Variants in TASOR2 observed in about 807,000 individuals in gnomAD.
TASOR2 encodes the protein protein TASOR 2.
A neutral mutation model predicts 199.5 loss-of-function variants in TASOR2; 84 were observed. The ratio of observed to expected loss-of-function variants is 0.42; its 90% CI spans 0.35 to 0.50. TASOR2 has a LOEUF of 0.50. Ranked by LOEUF, TASOR2 falls within the 20% of genes least tolerant of loss-of-function variation. The probability of loss-of-function intolerance (pLI) is 0.02; values close to 1 mark genes in which losing one functional copy is unlikely to be tolerated. For synonymous variants in TASOR2, 1,103 were observed against 1,046.6 expected, an observed-to-expected ratio of 1.05 and a Z score of -1.04; for missense variants, 2,796 against 2,835.9, an observed-to-expected ratio of 0.99 and a Z score of 0.32.
chr10:5,696,439 G>A (rs554269267), intron 1 of TASOR2, among the ~76,000 whole-genome samples: 48 of 152,118 alleles, frequency 3.2e-4, no homozygotes, highest in South Asian at 6.2e-4. Context: ...TCACTATAGC[G>A]TTGAACTCCT....
chr10:5,725,855 T>C (rs1588742858), intron 8 of TASOR2, among the ~76,000 whole-genome samples: 1 of 152,194 alleles, frequency 6.6e-6, no homozygotes, highest in Non-Finnish European at 1.5e-5. Flanking sequence ...GACAAATATG[T>C]AAGTCATCAT....
chr10:5,714,304 C>G lies in TASOR2; in HGVS notation c.-192+1386C>G, dbSNP rs1339071199. 4 of 670,546 alleles carry G rather than the reference C, an allele frequency of 6.0e-6. No individual in the cohort carries two copies. The African/African-American group carries it at 7.5e-5, about 13-fold the overall frequency. The allele number at this position is 670,546 out of a possible 1,614,324, so 41.5% of individuals were successfully genotyped here. ...TTTATAAGATATGTATATTAAAAGC[C>G]AGTTTCATTAAATGTCAAACAGTTC... On this transcript the variant is annotated intron_variant, in intron 2 of 20. Coordinates refer to ENST00000328090, the Ensembl canonical transcript of TASOR2.
Position 5,740,177 on chromosome 10 carries a change from GGA to G in TASOR2, c.2016_2017del (p.Glu672AspfsTer15). 1 of 1,614,176 alleles carries G rather than the reference GGA, an allele frequency of 6.2e-7. No homozygotes were observed. The highest frequency in any genetic ancestry group is 8.5e-7 in the Non-Finnish European group (1 of 1,180,046). ...CAGAACATTCAAAGAAACATCTACA[GGA>G]GAGAGAGATACTAAGCCCTCTGTTT... On this transcript the variant is annotated frameshift_variant, in exon 13 of 21. Transcript: ENST00000328090. LOFTEE classifies it high-confidence loss of function. The surrounding 1 kb of genome is among the most constrained non-coding windows in gnomAD (Gnocchi z 5.3).
At chr10:5,711,735 G>A (rs1226922292) in intron 1 of TASOR2, among the ~76,000 whole-genome samples, 1 of 152,022 alleles carries the variant, frequency 6.6e-6, no homozygotes, top group Non-Finnish European at 1.5e-5. Flanking sequence ...ATCTCACATG[G>A]GTATGGTTTG....
At chr10:5,758,085 G>T (rs1391306837) in intron 17 of TASOR2, among the ~76,000 whole-genome samples, 1 of 152,024 alleles carries the variant, frequency 6.6e-6, no homozygotes, top group Admixed American at 6.5e-5. Context: ...CTAAAAAATG[G>T]CTACTAAGTC....
exon 20 of TASOR2, chr10:5,762,560 T>A (rs1564380667): frequency 7.5e-7 from 1 of 1,334,118 alleles, no homozygotes; most frequent in Non-Finnish European, 1.0e-6. Context: ...GAGAAGTCTT[T>A]GAAAATAGTG....
chr10:5,756,681 G>A (rs377533232), exon 16 of TASOR2: 10 of 1,613,432 alleles, frequency 6.2e-6, no homozygotes, highest in Non-Finnish European at 7.6e-6. Flanking sequence ...TCCACAGAGA[G>A]AATGATACAC....
chr10:5,723,348 G>T (rs1833635132), intron 6 of TASOR2, among the ~76,000 whole-genome samples: 1 of 151,974 alleles, frequency 6.6e-6, no homozygotes, highest in African/African-American at 2.4e-5. Context: ...GAGCCACCGT[G>T]CCTGGCAAAT....
intron 6 of TASOR2, 31 bp downstream of exon 7, chr10:5,721,001 T>C: frequency 6.5e-7 from 1 of 1,539,082 alleles, no homozygotes; most frequent in Non-Finnish European, 8.9e-7. Flanking sequence ...CCTTTACTAA[T>C]GCTTATATTA....
rs1840143129 is a variant in TASOR2 at position 5,763,118 on chromosome 10, CAT to C, written c.*87_*88del. The C allele has an allele frequency of 4.8e-6, 6 of 1,261,932 alleles. No homozygotes were observed. In the South Asian group the frequency reaches 7.8e-5, roughly 16 times the overall value. 78.2% of individuals were successfully genotyped at this position (1,261,932 alleles called of 1,614,324 possible). A position where few individuals can be genotyped will look rare whatever the true frequency, so the allele number is the denominator to read the frequency against. On this transcript the variant is annotated 3_prime_UTR_variant, in exon 21 of 21. Transcript: ENST00000328090. ...GAAAACTTGTGAACATGTGAATACACATGTGAACAGTCTTACATTTGAAAAAC... is the reference window on the plus strand; with the variant it reads ...GAAAACTTGTGAACATGTGAATACACGTGAACAGTCTTACATTTGAAAAAC...
At chr10:5,736,941 G>A (rs1397017299) in intron 12 of TASOR2, among the ~76,000 whole-genome samples, 1 of 152,058 alleles carries the variant, frequency 6.6e-6, no homozygotes, top group African/African-American at 2.4e-5. Context: ...AGAATTCAGA[G>A]AAAGAAATTG....
chr10:5,729,805 G>A (rs1427143606), intron 10 of TASOR2, among the ~76,000 whole-genome samples: 1 of 152,118 alleles, frequency 6.6e-6, no homozygotes, highest in Non-Finnish European at 1.5e-5. Flanking sequence ...AGTTCATAGG[G>A]ACCAGACCTT....
At chr10:5,692,553 C>T (rs1836567532) in intron 1 of TASOR2, among the ~76,000 whole-genome samples, 1 of 152,094 alleles carries the variant, frequency 6.6e-6, no homozygotes, top group Non-Finnish European at 1.5e-5. Flanking sequence ...GTCCTGGGGT[C>T]CTGCGGGTTC....
intron 14 of TASOR2, chr10:5,743,818 T>A (rs1164991750): frequency 6.6e-6 from 1 of 152,252 alleles, no homozygotes; most frequent in East Asian, 1.9e-4. Context: ...AATCAGTGAT[T>A]CCTAACAATC....
chr10:5,727,255 T>C (rs1834166031), intron 10 of TASOR2, 132 bp downstream of exon 11: 1 of 881,686 alleles, frequency 1.1e-6, no homozygotes, highest in Admixed American at 2.2e-5. Flanking sequence ...TTAACATCAC[T>C]GGTTCACCCT....
chr10:5,724,620 A>T (rs11254855), intron 8 of TASOR2, 87 bp downstream of exon 9: 2 of 89,566 alleles, frequency 2.2e-5, no homozygotes, highest in Non-Finnish European at 1.8e-5. Context: ...ATATATATAT[A>T]TTATATATAT....
chr10:5,731,238 A>G (rs1834772885), intron 11 of TASOR2, 35 bp downstream of exon 12: 1 of 1,572,846 alleles, frequency 6.4e-7, no homozygotes, highest in Non-Finnish European at 8.6e-7. Context: ...TTATTATAAT[A>G]ATAGTTGTGG....
Position 5,720,768 on chromosome 10 carries a change from G to A in TASOR2, c.40G>A (p.Glu14Lys). The change falls in exon 5 of 21, where the codon GAA (glutamate) becomes AAA (lysine). Residue 14 changes from glutamate to lysine, a missense_variant. Glu to Lys is a moderately conservative substitution (Grantham distance 56). Transcript: ENST00000328090. The surrounding 1 kb of genome is among the most constrained non-coding windows in gnomAD (Gnocchi z 5.3). ...TTTTTCTGCTAGACTTGAACGCAGT[G>A]AAAATGGTAAGAAATAGTTCATTGA... 6.2e-7 allele frequency: 1 copy of A among 1,611,972 alleles called. No homozygotes were observed. The highest frequency in any genetic ancestry group is 1.3e-5 in the African/African-American group (1 of 74,776).
At chr10:5,747,646 G>A (rs758633645) in exon 15 of TASOR2, 7 of 1,614,162 alleles carry the variant, frequency 4.3e-6, no homozygotes, top group Admixed American at 1.7e-5. Flanking sequence ...TGAACCTCCA[G>A]TACCAGTTAA....
Sources: gnomAD v4.1 joint callset for allele counts (sites outside exome capture counted in the v4.1 genomes callset) on GRCh38, gnomAD v4.1.1 for gene constraint, Gnocchi (gnomAD v3.1) non-coding constraint, MANE v1.5 for transcripts, NCBI Gene and HGNC (gene_info 2026-07-23, HGNC 2026-07-21) for gene names.